Variants in PPFIA3 observed in about 807,000 individuals in gnomAD.
PPFIA3 encodes liprin-alpha-3.
In PPFIA3, 26 loss-of-function variants were observed where a neutral mutation model predicts 145.8. The observed-to-expected ratio is 0.18, with a 90% CI of 0.13 to 0.25. The LOEUF is 0.25. Among genes scored for constraint, PPFIA3 ranks in the 10% least tolerant of loss-of-function variants. The pLI is 1.00. For synonymous variants in PPFIA3, 645 were observed against 661.4 expected (o/e 0.98, Z 0.38); for missense variants, 1,008 against 1,587.8 (o/e 0.63, Z 6.21).
At chr19:49,134,776 G>A in intron 12 of PPFIA3, 60 bp from the exon 13 acceptor site, 14 of 1,611,358 alleles carry the variant, frequency 8.7e-6, no homozygotes, top group Non-Finnish European at 1.2e-5. Flanking sequence ...AAGTCTGGCA[G>A]GGGCTGTTCC....
rs2041042588 is a variant in PPFIA3 at position 49,129,440 on chromosome 19, C to T, written c.568C>T (p.Leu190=). The change falls in exon 5 of 30, where the codon CTG becomes TTG. Residue 190 remains leucine (L), a synonymous_variant. Coordinates refer to ENST00000334186, the MANE Select transcript of PPFIA3 (RefSeq NM_003660.4). ...RVAVLEEELE[L]SNQETLNLRE... The stretch of plus-strand genomic sequence containing the variant: ...GGCAGTGCTCGAGGAGGAGCTGGAA[C>T]TGAGCAATCAGGAGGTGTGGGTGTG... 1.3e-6 allele frequency: 2 copies of T among 1,553,516 alleles called. No individual in the cohort carries two copies. Among genetic ancestry groups the T allele is most frequent in the East Asian group, 4.8e-5 (2 of 41,662 alleles).
At chr19:49,134,950 G>A (rs376881111) in intron 13 of PPFIA3, 35 bp downstream of exon 13, 13 of 1,510,148 alleles carry the variant, frequency 8.6e-6, no homozygotes, top group Non-Finnish European at 1.2e-5. Flanking sequence ...CCCCACCATG[G>A]AGCCCCGTTG....
chr19:49,141,878 T>C (rs1188443126), intron 19 of PPFIA3, among the ~76,000 whole-genome samples, 156 bp from the exon 20 acceptor site: 1 of 151,948 alleles, frequency 6.6e-6, no homozygotes, highest in African/African-American at 2.4e-5. Context: ...GATTCACATG[T>C]ATTTTTTGAC....
intron 21 of PPFIA3, among the ~76,000 whole-genome samples, chr19:49,143,241 C>T (rs1190486840): frequency 1.3e-5 from 2 of 152,262 alleles, no homozygotes; most frequent in East Asian, 3.8e-4. Flanking sequence ...TCGGCATTTG[C>T]TGTCCCACTC....
chr19:49,150,048 C>A lies in PPFIA3; in HGVS notation c.3527-32C>A, dbSNP rs764400958. 11 of 1,593,982 alleles carry A rather than the reference C, an allele frequency of 6.9e-6. No individual in the cohort carries two copies. In the South Asian group the frequency reaches 1.0e-4, roughly 15 times the overall value. ...GGAGAGGAACAGGGAGGAGGGTGCTCCAGGCTGAACCGCTGCTCGCTCTCC... is the reference window on the plus strand; with the variant it reads ...GGAGAGGAACAGGGAGGAGGGTGCTACAGGCTGAACCGCTGCTCGCTCTCC... On this transcript the variant is annotated intron_variant, in intron 28 of 29. Coordinates refer to ENST00000334186, the MANE Select transcript of PPFIA3 (RefSeq NM_003660.4).
At chr19:49,127,313 G>A (rs1009946030) in intron 1 of PPFIA3, among the ~76,000 whole-genome samples, 13 of 149,354 alleles carry the variant, frequency 8.7e-5, no homozygotes, top group Admixed American at 2.7e-4. Flanking sequence ...ACCGGGACCC[G>A]GGAGGTGGAG....
chr19:49,122,996 C>T (rs981257394), intron 1 of PPFIA3, among the ~76,000 whole-genome samples: 5 of 151,858 alleles, frequency 3.3e-5, no homozygotes, highest in Non-Finnish European at 7.4e-5. Flanking sequence ...GTTGGGATTA[C>T]AGGCAGGAGC....
intron 16 of PPFIA3, 62 bp downstream of exon 16, chr19:49,138,489 C>G (rs761746924): frequency 2.2e-6 from 3 of 1,358,606 alleles, no homozygotes; most frequent in Non-Finnish European, 2.9e-6. Flanking sequence ...AGGCAGGGCT[C>G]CCCAGTGTAC....
Position 49,129,363 on chromosome 19 carries a change from C to T in PPFIA3, c.508-17C>T. The T allele has an allele frequency of 1.9e-6, 3 of 1,549,080 alleles. No individual in the cohort carries two copies. Among genetic ancestry groups the T allele is most frequent in the Non-Finnish European group, 2.6e-6 (3 of 1,146,796 alleles). On this transcript the variant is annotated splice_polypyrimidine_tract_variant and intron_variant, in intron 4 of 29. Transcript: ENST00000334186. ...GATCTTGTCTCCAGCTGACTGTTGCCCTGCCCCGATCCCCAGGTCCGGGAG... is the reference window on the plus strand; with the variant it reads ...GATCTTGTCTCCAGCTGACTGTTGCTCTGCCCCGATCCCCAGGTCCGGGAG...
intron 7 of PPFIA3, 144 bp from the exon 8 acceptor site, chr19:49,132,857 G>C: frequency 9.7e-7 from 1 of 1,027,988 alleles, no homozygotes; most frequent in Non-Finnish European, 1.4e-6. Context: ...ACTTAAGATG[G>C]GCTAGTCCTG....
In PPFIA3 at chr19:49,137,741, T is replaced by C. The variant is rs560813831; in HGVS notation, c.1854-464T>C. 9.9e-5 allele frequency among the ~76,000 whole-genome samples: 15 copies of C among 151,356 alleles called. No individual in the cohort carries two copies. The South Asian group carries it at 1.3e-3, about 13-fold the overall frequency. On this transcript the variant is annotated intron_variant, in intron 15 of 29. Transcript: ENST00000334186. ...ATGGCCATATTCAGCAATTCTCTTA[T>C]AATGTACTCCCCATGAGCCTTCGGC...
chr19:49,134,634 C>A lies in PPFIA3; in HGVS notation c.1378-5C>A. ...CACTCCCTCACTTCACCTCTGTCTC[C>A]ACAGAACTCCCTGAGCGAGGAGATA... On this transcript the variant is annotated splice_polypyrimidine_tract_variant and splice_region_variant and intron_variant, in intron 11 of 29. Coordinates refer to ENST00000334186, the MANE Select transcript of PPFIA3 (RefSeq NM_003660.4). 1 of 1,613,534 alleles carries A rather than the reference C, an allele frequency of 6.2e-7. No individual in the cohort carries two copies. The highest frequency in any genetic ancestry group is 1.1e-5 in the South Asian group (1 of 91,048).
In PPFIA3 at chr19:49,130,418, G is replaced by T; in HGVS notation, c.698G>T (p.Arg233Leu). Residue 233 changes from arginine to leucine, a missense_variant, in exon 7 of 30, where the codon CGG becomes CTG. Physicochemically the swap from Arg to Leu is moderately radical, Grantham distance 102 (BLOSUM62 -2). Around this residue, in one of 11 missense-constraint regions of PPFIA3, gnomAD observed 136 missense variants for 160.7 expected, o/e 0.85. Transcript: ENST00000334186. The surrounding 1 kb of genome is among the most constrained non-coding windows in gnomAD (Gnocchi z 4.5). ...NGLGPGGDSN[R>L]RTAELEEALE... ...CTGGGTCCTGGCGGGGATTCCAACCGGCGCACAGCAGAGCTGGAGGAGGCC... is the reference window on the plus strand; with the variant it reads ...CTGGGTCCTGGCGGGGATTCCAACCTGCGCACAGCAGAGCTGGAGGAGGCC... 1.9e-6 allele frequency: 3 copies of T among 1,610,278 alleles called. No homozygotes were observed. The highest frequency in any genetic ancestry group is 1.7e-6 in the Non-Finnish European group (2 of 1,178,586).
chr19:49,121,517 C>A (rs530754745), intron 1 of PPFIA3, among the ~76,000 whole-genome samples: 6 of 152,240 alleles, frequency 3.9e-5, no homozygotes, highest in Non-Finnish European at 7.4e-5. Context: ...TGGCTCATGC[C>A]GGTAATCCCA....
rs780964517 is a variant in PPFIA3 at position 49,128,830 on chromosome 19, C to T, written c.343-18C>T. 3.2e-6 allele frequency: 5 copies of T among 1,583,544 alleles called. No individual in the cohort carries two copies. The African/African-American group carries it at 4.1e-5, about 13-fold the overall frequency. ...TTCCCTTGCCTCTTTTCCTTGACCC[C>T]ATGCCGTGTGCTTGCAGCTGCTCCT... On this transcript the variant is annotated intron_variant, in intron 3 of 29. Transcript: ENST00000334186. This position sits in a 1 kb window ranked among gnomAD's most constrained non-coding sequence, Gnocchi z 4.1.
Position 49,136,927 on chromosome 19 carries a change from G to A in PPFIA3, c.1853+16G>A, listed in dbSNP as rs565148158. 1.8e-5 allele frequency: 27 copies of A among 1,491,268 alleles called. 2 individuals are homozygous for A. Among genetic ancestry groups the A allele is most frequent in the South Asian group, 7.9e-5 (6 of 76,296 alleles). The allele number at this position is 1,491,268 out of a possible 1,614,324, so 92.4% of individuals were successfully genotyped here. On this transcript the variant is annotated intron_variant, in intron 15 of 29. Transcript: ENST00000334186. ...AGGAGATCAAGTGAGCCCTGGCCCCGCCCCGGCCTGCCCTGCCCTGCCGGA... is the reference window on the plus strand; with the variant it reads ...AGGAGATCAAGTGAGCCCTGGCCCCACCCCGGCCTGCCCTGCCCTGCCGGA...
intron 25 of PPFIA3, 71 bp from the exon 26 acceptor site, chr19:49,148,922 T>TGGAG (rs2041310406): frequency 1.6e-5 from 26 of 1,587,594 alleles, no homozygotes; most frequent in Non-Finnish European, 2.1e-5. Context: ...CAAATGGAGG[T>TGGAG]GGAGGTATGG....
intron 18 of PPFIA3, among the ~76,000 whole-genome samples, chr19:49,140,497 C>T (rs908869965): frequency 2.0e-5 from 3 of 151,558 alleles, no homozygotes; most frequent in Admixed American, 6.6e-5. Flanking sequence ...TATAGGCGCC[C>T]GCCACTATGC....
At chr19:49,123,797 T>C (rs1380321350) in intron 1 of PPFIA3, among the ~76,000 whole-genome samples, 2 of 152,158 alleles carry the variant, frequency 1.3e-5, no homozygotes, top group Non-Finnish European at 2.9e-5. Flanking sequence ...ATGTTTTCCT[T>C]CCCCCGGTTC....
Sources: gnomAD v4.1 joint callset for allele counts (sites outside exome capture counted in the v4.1 genomes callset) on GRCh38, gnomAD v4.1.1 for gene constraint, gnomAD v4.1.1 regional missense constraint, Gnocchi (gnomAD v3.1) non-coding constraint, MANE v1.5 for transcripts, NCBI Gene and HGNC (gene_info 2026-07-23, HGNC 2026-07-21) for gene names.